Variants in DCP1A observed in about 807,000 individuals in gnomAD.
The protein encoded by DCP1A is decapping mRNA 1A.
A neutral mutation model predicts 58.0 loss-of-function variants in DCP1A; 20 were observed. That is an observed-to-expected ratio of 0.34 (90% confidence interval 0.24 to 0.50). The LOEUF (loss-of-function observed/expected upper bound fraction) is 0.50, where lower values mean the gene tolerates loss of function less well. DCP1A is among the 20% of genes least tolerant of loss of function. The pLI, the probability that DCP1A is intolerant of heterozygous loss-of-function variation, is 0.98. For synonymous variants in DCP1A, 285 were observed against 275.1 expected (o/e 1.04, Z -0.36); for missense variants, 613 against 712.2 (o/e 0.86, Z 1.59).
At chr3:53,291,853 A>G (rs2106793363) in intron 7 of DCP1A, among the ~76,000 whole-genome samples, 1 of 151,942 alleles carries the variant, frequency 6.6e-6, no homozygotes, top group African/African-American at 2.4e-5. Context: ...CAAACATACA[A>G]CCCCCACTAA....
Position 53,296,101 on chromosome 3 carries a change from G to T in DCP1A, c.625-3274C>A, listed in dbSNP as rs375577055. On this transcript the variant is annotated intron_variant, in intron 6 of 9. Coordinates refer to ENST00000610213, the MANE Select transcript of DCP1A (RefSeq NM_018403.7). ...AGAGACAGGATTCACCATGTTGCCC[G>T]GGCTGGTCTCAAACTTCTTCTGACC... 1.1e-3 allele frequency among the ~76,000 whole-genome samples: 167 copies of T among 152,092 alleles called. 1 individual carries two copies. The highest frequency in any genetic ancestry group is 3.9e-3 in the African/African-American group (161 of 41,518).
intron 3 of DCP1A, 149 bp from the exon 4 acceptor site, chr3:53,319,622 C>T: frequency 3.7e-6 from 2 of 537,104 alleles, no homozygotes; most frequent in East Asian, 5.8e-5. Context: ...ACAAGTATCT[C>T]CTCCCCAAAT....
In DCP1A at chr3:53,283,708, A is replaced by C. The variant is rs1706517774; in HGVS notation, c.*3872T>G. On this transcript the variant is annotated 3_prime_UTR_variant, in exon 10 of 10. Transcript: ENST00000610213. ...ATGAGAGCCACATGGCCAAAGCAGT[A>C]ATACAGAATAAAAAACCATTTAGAA... is the stretch of plus-strand genomic sequence containing the variant. 6.6e-6 allele frequency: 1 copy of C among 152,270 alleles called. No individual in the cohort carries two copies. The highest frequency in any genetic ancestry group is 6.5e-5 in the Admixed American group (1 of 15,288). The allele number at this position is 152,270 out of a possible 1,614,324, so 9.4% of individuals were successfully genotyped here. A position where few individuals can be genotyped will look rare whatever the true frequency, so the allele number is the denominator to read the frequency against.
chr3:53,326,981 C>G (rs570851467), intron 3 of DCP1A, among the ~76,000 whole-genome samples: 5 of 150,366 alleles, frequency 3.3e-5, no homozygotes, highest in East Asian at 3.9e-4. Context: ...GTCCAACCCC[C>G]CCCCCCCAAC....
At chr3:53,305,122 G>GAATGCCAGCTTCTTGCACTTAGCAT (rs1343806848) in intron 5 of DCP1A, among the ~76,000 whole-genome samples, 1 of 152,102 alleles carries the variant, frequency 6.6e-6, no homozygotes, top group African/African-American at 2.4e-5. Context: ...AATATAAGTA[G>GAATGCCAGCTTCTTGCACTTAGCAT]AATGCCAGCT....
In DCP1A at chr3:53,284,963, AG is replaced by A. The variant is rs1706577714; in HGVS notation, c.*2616del. 3 of 152,206 alleles carry A rather than the reference AG, an allele frequency of 2.0e-5. No homozygotes were observed. The highest frequency in any genetic ancestry group is 2.1e-4 in the South Asian group (1 of 4,824). The allele number at this position is 152,206 out of a possible 1,614,324, so 9.4% of individuals were successfully genotyped here. A position where few individuals can be genotyped will look rare whatever the true frequency, so the allele number is the denominator to read the frequency against. ...CAATGAAGAAGAGCTTCTGCCTTAA[AG>A]GAACAAGGCTGTCTGGGAGGCCTGA... is the stretch of plus-strand genomic sequence containing the variant. On this transcript the variant is annotated 3_prime_UTR_variant, in exon 10 of 10. Transcript: ENST00000610213.
intron 9 of DCP1A, 42 bp downstream of exon 9, chr3:53,288,023 T>C (rs1553685374): frequency 1.3e-6 from 2 of 1,540,892 alleles, no homozygotes; most frequent in Non-Finnish European, 1.8e-6. Context: ...TTTCTTTCAT[T>C]AAATAATGAA....
At chr3:53,305,272 T>C (rs1373733146) in intron 5 of DCP1A, among the ~76,000 whole-genome samples, 3 of 152,262 alleles carry the variant, frequency 2.0e-5, no homozygotes, top group African/African-American at 4.8e-5. Flanking sequence ...AGCACATCTG[T>C]GTTGTTTCCG....
At chr3:53,342,301 G>T in intron 2 of DCP1A, 30 bp from the exon 3 acceptor site, 1 of 1,495,018 alleles carries the variant, frequency 6.7e-7, no homozygotes. Flanking sequence ...AAAAAAATAT[G>T]TAGTTACCAT....
chr3:53,305,239 G>A (rs191909426), intron 5 of DCP1A, among the ~76,000 whole-genome samples: 97 of 152,292 alleles, frequency 6.4e-4, no homozygotes, highest in African/African-American at 2.2e-3. Flanking sequence ...AAATACGTGA[G>A]TGTTTAACCA....
rs116317885 is a variant in DCP1A at position 53,334,075 on chromosome 3, A to G, written c.304+8069T>C. ...CCAGGAGTTTGAGACCAGCCTGGAC[A>G]ATATAGAGAGACCTTGTCTCTACAA... On this transcript the variant is annotated intron_variant, in intron 3 of 9. Transcript: ENST00000610213. Among the ~76,000 whole-genome samples the G allele has an allele frequency of 4.0e-3, 608 of 152,256 alleles. 5 individuals carry two copies. Among genetic ancestry groups the G allele is most frequent in the African/African-American group, 0.014 (577 of 41,544 alleles).
Position 53,285,744 on chromosome 3 carries a change from G to A in DCP1A, c.*1836C>T, listed in dbSNP as rs191354220. 6 of 152,244 alleles carry A rather than the reference G, an allele frequency of 3.9e-5. No homozygotes were observed. The highest frequency in any genetic ancestry group is 1.9e-4 in the East Asian group (1 of 5,188). The allele number at this position is 152,244 out of a possible 1,614,324, so 9.4% of individuals were successfully genotyped here. ...GAAGCCCACTGAGACTACACTTGAG[G>A]TGCAATCACACCTACTGGTGCGTCC... On this transcript the variant is annotated 3_prime_UTR_variant, in exon 10 of 10. Coordinates refer to ENST00000610213, the MANE Select transcript of DCP1A (RefSeq NM_018403.7).
Position 53,343,680 on chromosome 3 carries a change from C to T in DCP1A, c.176+1222G>A, listed in dbSNP as rs183716601. Among the ~76,000 whole-genome samples, 19 of 152,284 alleles carry T rather than the reference C, an allele frequency of 1.2e-4. No individual in the cohort carries two copies. The East Asian group carries it at 3.1e-3, about 25-fold the overall frequency. Reference sequence around the variant, plus strand: ...AGGCTGGAGTGCAGTGGCACGACCTCGGCTCACTGCAAGCTCCGCCTCCTG... The same window carrying T: ...AGGCTGGAGTGCAGTGGCACGACCTTGGCTCACTGCAAGCTCCGCCTCCTG... On this transcript the variant is annotated intron_variant, in intron 2 of 9. Coordinates refer to ENST00000610213, the MANE Select transcript of DCP1A (RefSeq NM_018403.7).
intron 5 of DCP1A, among the ~76,000 whole-genome samples, chr3:53,310,307 T>C (rs1707605475): frequency 6.6e-6 from 1 of 152,260 alleles, no homozygotes; most frequent in Non-Finnish European, 1.5e-5. Flanking sequence ...GATGTTTAGA[T>C]TGCCCACCTG....
rs1178873255 is a variant in DCP1A, at chr3:53,284,137, T to C, written c.*3443A>G. ...CAGCCAGGATGCAGGATGCGCACCC[T>C]AGGATTCCTCAGTTCTCCTCACTCA... On this transcript the variant is annotated 3_prime_UTR_variant, in exon 10 of 10. Transcript: ENST00000610213. 1 of 152,162 alleles carries C rather than the reference T, an allele frequency of 6.6e-6. No individual in the cohort carries two copies. The highest frequency in any genetic ancestry group is 1.5e-5 in the Non-Finnish European group (1 of 67,994). The allele number at this position is 152,162 out of a possible 1,614,324, so 9.4% of individuals were successfully genotyped here.
intron 3 of DCP1A, among the ~76,000 whole-genome samples, chr3:53,336,418 T>G (rs1237707647): frequency 6.6e-6 from 1 of 152,218 alleles, no homozygotes; most frequent in Non-Finnish European, 1.5e-5. Context: ...TTATTCTTTT[T>G]TCACATTTGC....
intron 4 of DCP1A, 80 bp from the exon 5 acceptor site, chr3:53,312,459 A>G (rs1707676063): frequency 3.8e-6 from 5 of 1,303,050 alleles, no homozygotes; most frequent in Non-Finnish European, 4.1e-6. Context: ...TTCATCTTCC[A>G]AGGATACACT....
chr3:53,343,131 G>T (rs2089239565), intron 2 of DCP1A, among the ~76,000 whole-genome samples: 1 of 152,140 alleles, frequency 6.6e-6, no homozygotes, highest in Non-Finnish European at 1.5e-5. Context: ...TATACCCGGG[G>T]TGTTAACAGA....
At chr3:53,345,609 T>C (rs1426464786) in intron 1 of DCP1A, among the ~76,000 whole-genome samples, 2 of 152,174 alleles carry the variant, frequency 1.3e-5, no homozygotes, top group Non-Finnish European at 2.9e-5. Context: ...TAAATAAGCT[T>C]ATTAGTCTGC....
Sources: gnomAD v4.1 joint callset for allele counts (sites outside exome capture counted in the v4.1 genomes callset) on GRCh38, gnomAD v4.1.1 for gene constraint, MANE v1.5 for transcripts, NCBI Gene and HGNC (gene_info 2026-07-23, HGNC 2026-07-21) for gene names.